CSMD1: variants seen among roughly 807,000 people sequenced by gnomAD.
The protein encoded by CSMD1 is CUB and Sushi multiple domains 1.
A neutral mutation model predicts 417.5 loss-of-function variants in CSMD1; 213 were observed. The observed-to-expected ratio is 0.51, with a 90% CI of 0.46 to 0.57. The LOEUF (loss-of-function observed/expected upper bound fraction) is 0.57. Ranked by LOEUF, CSMD1 falls within the 20% of genes least tolerant of loss-of-function variation. The probability of loss-of-function intolerance (pLI) is 0.00; values close to 1 mark genes in which losing one functional copy is unlikely to be tolerated. For missense variants in CSMD1, 6,923 were observed against 4,529.7 expected, an observed-to-expected ratio of 1.53 and a Z score of -15.17; for synonymous variants, 2,862 against 1,736.8, an observed-to-expected ratio of 1.65 and a Z score of -16.11.
chr8:3,800,172 T>C (rs936718210), intron 5 of CSMD1, among the ~76,000 whole-genome samples: 13 of 152,140 alleles, frequency 8.5e-5, no homozygotes, highest in Non-Finnish European at 4.4e-5. Context: ...CAAAAATCAG[T>C]GGCTAGACAT....
intron 3 of CSMD1, among the ~76,000 whole-genome samples, chr8:4,074,041 A>G (rs1799696658): frequency 6.6e-6 from 1 of 152,114 alleles, no homozygotes; most frequent in Admixed American, 6.6e-5. Context: ...CTGCTTTTAG[A>G]CATTTAGTTT....
intron 5 of CSMD1, among the ~76,000 whole-genome samples, chr8:3,837,887 T>G (rs1449605422): frequency 6.6e-6 from 1 of 152,178 alleles, no homozygotes; most frequent in South Asian, 2.1e-4. Context: ...GTTTTCATTT[T>G]CTTCTGTCAC....
intron 30 of CSMD1, among the ~76,000 whole-genome samples, chr8:3,213,869 T>C (rs1797746605): frequency 6.6e-6 from 1 of 151,128 alleles, no homozygotes; most frequent in East Asian, 1.9e-4. Context: ...TATATATATA[T>C]ATATATGAGA....
chr8:3,497,845 G>C (rs769710359), intron 10 of CSMD1, among the ~76,000 whole-genome samples: 1 of 152,134 alleles, frequency 6.6e-6, no homozygotes, highest in Admixed American at 6.5e-5. Context: ...TTTCTGTAGT[G>C]ATATGGTTTT....
At chr8:3,587,108 G>C (rs978913667) in intron 8 of CSMD1, among the ~76,000 whole-genome samples, 1 of 152,202 alleles carries the variant, frequency 6.6e-6, no homozygotes, top group Non-Finnish European at 1.5e-5. Flanking sequence ...CTGTGTTTTA[G>C]AAGAAAGCAA....
At chr8:3,978,154 C>G (rs1327908131) in intron 5 of CSMD1, among the ~76,000 whole-genome samples, 1 of 152,150 alleles carries the variant, frequency 6.6e-6, no homozygotes, top group Non-Finnish European at 1.5e-5. Flanking sequence ...GAAACTTCCT[C>G]TCGAGTGAGG....
rs373545552 is a variant in CSMD1, at chr8:4,566,508, C to T, written c.302+70834G>A. Among the ~76,000 whole-genome samples, 57 of 151,858 alleles carry T rather than the reference C, an allele frequency of 3.8e-4. No individual in the cohort carries two copies. The East Asian group carries it at 9.5e-3, about 25-fold the overall frequency. On this transcript the variant is annotated intron_variant, in intron 2 of 69. Transcript: ENST00000635120. ...CTCTACTAAAAATACAAAAAATTAGCCGGGCGTGGTGGCGGGCGCCTGCAG... is the reference window on the plus strand; with the variant it reads ...CTCTACTAAAAATACAAAAAATTAGTCGGGCGTGGTGGCGGGCGCCTGCAG...
intron 6 of CSMD1, among the ~76,000 whole-genome samples, chr8:3,717,774 A>G (rs1173559168): frequency 6.6e-6 from 1 of 152,190 alleles, no homozygotes; most frequent in Non-Finnish European, 1.5e-5. Context: ...CAGTTTTCCT[A>G]AGGTATTTTT....
chr8:4,410,333 C>T (rs1395529640), intron 3 of CSMD1, among the ~76,000 whole-genome samples: 2 of 152,156 alleles, frequency 1.3e-5, no homozygotes, highest in Non-Finnish European at 2.9e-5. Flanking sequence ...AATGGTCACA[C>T]TCATAGTGAC....
intron 18 of CSMD1, among the ~76,000 whole-genome samples, chr8:3,386,538 C>G (rs1042302439): frequency 6.6e-6 from 1 of 152,172 alleles, no homozygotes; most frequent in South Asian, 2.1e-4. Context: ...TGCAGTTAAG[C>G]AGAATTTTTC....
chr8:3,925,636 T>C (rs1809600727), intron 5 of CSMD1, among the ~76,000 whole-genome samples: 1 of 152,080 alleles, frequency 6.6e-6, no homozygotes, highest in African/African-American at 2.4e-5. Context: ...TCATGAGATC[T>C]GATGGGCTTA....
At chr8:3,524,993 A>C (rs1797695582) in intron 10 of CSMD1, among the ~76,000 whole-genome samples, 1 of 152,226 alleles carries the variant, frequency 6.6e-6, no homozygotes, top group East Asian at 1.9e-4. Context: ...AAAAATGATA[A>C]TGTATGTATC....
At chr8:3,767,580 C>T (rs777013590) in intron 5 of CSMD1, among the ~76,000 whole-genome samples, 20 of 152,184 alleles carry the variant, frequency 1.3e-4, no homozygotes, top group African/African-American at 2.4e-4. Context: ...TATCCAAATA[C>T]GAGTGTGTGG....
At chr8:3,321,125 C>G (rs1249165440) in intron 23 of CSMD1, among the ~76,000 whole-genome samples, 1 of 152,094 alleles carries the variant, frequency 6.6e-6, no homozygotes, top group Non-Finnish European at 1.5e-5. Flanking sequence ...CGAAGGCGTG[C>G]AAAGCCCCCT....
chr8:4,108,954 G>T (rs1260213160), intron 3 of CSMD1, among the ~76,000 whole-genome samples: 4 of 152,128 alleles, frequency 2.6e-5, no homozygotes, highest in African/African-American at 7.2e-5. Flanking sequence ...GTCCATTTAT[G>T]TATAATTTAG....
At chr8:3,620,413 C>A (rs1802366890) in intron 7 of CSMD1, among the ~76,000 whole-genome samples, 1 of 151,894 alleles carries the variant, frequency 6.6e-6, no homozygotes, top group Non-Finnish European at 1.5e-5. Flanking sequence ...GACTTAAAAC[C>A]CCCATGTTCA....
intron 2 of CSMD1, among the ~76,000 whole-genome samples, chr8:4,602,174 T>A (rs140620021): frequency 1.3e-5 from 2 of 152,156 alleles, no homozygotes; most frequent in Non-Finnish European, 2.9e-5. Context: ...AAAAAATTAA[T>A]TCCCTTATTT....
intron 7 of CSMD1, chr8:3,704,719 C>T (rs376011452): frequency 1.3e-5 from 2 of 152,158 alleles, no homozygotes; most frequent in Non-Finnish European, 2.9e-5. Flanking sequence ...TGGATAACAC[C>T]TTAGACAACC....
intron 34 of CSMD1, 149 bp from the exon 35 acceptor site, chr8:3,189,160 T>C (rs1289043582): frequency 8.1e-6 from 5 of 618,786 alleles, no homozygotes; most frequent in East Asian, 6.2e-5. Flanking sequence ...CAAGGTAAAA[T>C]TCAGTGTATT....
Sources: gnomAD v4.1 joint callset for allele counts (sites outside exome capture counted in the v4.1 genomes callset) on GRCh38, gnomAD v4.1.1 for gene constraint, MANE v1.5 for transcripts, NCBI Gene and HGNC (gene_info 2026-07-23, HGNC 2026-07-21) for gene names.